Variants in RBFOX1 observed in about 807,000 individuals in gnomAD.
The protein encoded by RBFOX1 is RNA binding protein fox-1 homolog 1.
A neutral mutation model predicts 57.7 loss-of-function variants in RBFOX1; 8 were observed. The ratio of observed to expected loss-of-function variants is 0.14; its 90% CI spans 0.08 to 0.25. The LOEUF (loss-of-function observed/expected upper bound fraction) is 0.25, where lower values mean the gene tolerates loss of function less well. Ranked by LOEUF, RBFOX1 falls within the 10% of genes least tolerant of loss-of-function variation. RBFOX1 has a pLI of 1.00. For missense variants in RBFOX1, 611 were observed against 548.5 expected (o/e 1.11, Z -1.14); for synonymous variants, 326 against 222.4 (o/e 1.47, Z -4.15).
intron 2 of RBFOX1, among the ~76,000 whole-genome samples, chr16:6,594,288 A>G (rs989843410): frequency 6.6e-6 from 1 of 152,196 alleles, no homozygotes; most frequent in Non-Finnish European, 1.5e-5. Context: ...AACCATCTAG[A>G]CAGCCATACT....
intron 9 of RBFOX1, among the ~76,000 whole-genome samples, chr16:7,603,521 C>G (rs533845948): frequency 2.0e-5 from 3 of 152,038 alleles, no homozygotes; most frequent in Non-Finnish European, 4.4e-5. Flanking sequence ...AAGAGTAACT[C>G]TAAGAGGAGG....
Position 7,030,356 on chromosome 16 carries a change from C to T in RBFOX1, c.-15-21701C>T, listed in dbSNP as rs77767893. Reference sequence around the variant, plus strand: ...ATTTCCTAGCATTGCCATAAGTTAACGCCAACTGGATGGCTTTAAAACAAC... The same window carrying T: ...ATTTCCTAGCATTGCCATAAGTTAATGCCAACTGGATGGCTTTAAAACAAC... On this transcript the variant is annotated intron_variant, in intron 3 of 15. Coordinates refer to ENST00000550418, the MANE Select transcript of RBFOX1 (RefSeq NM_018723.4). Among the ~76,000 whole-genome samples the T allele has an allele frequency of 8.4e-3, 1,278 of 152,174 alleles. 16 individuals carry two copies. The highest frequency in any genetic ancestry group is 0.029 in the African/African-American group (1,193 of 41,506).
intron 3 of RBFOX1, among the ~76,000 whole-genome samples, chr16:6,720,246 G>GA (rs895390246): frequency 2.5e-4 from 37 of 148,578 alleles, no homozygotes; most frequent in Admixed American, 1.1e-3. Context: ...GAATGTTCAA[G>GA]AAAAAAAAAA....
chr16:6,225,218 G>T (rs1285193755), intron 1 of RBFOX1, among the ~76,000 whole-genome samples: 1 of 68,750 alleles, frequency 1.5e-5, no homozygotes, highest in Non-Finnish European at 2.9e-5. Flanking sequence ...ACTGCTAACT[G>T]AAGTAGGAGA....
At chr16:5,271,461 G>T (rs1362709555) in intron 1 of RBFOX1, among the ~76,000 whole-genome samples, 1 of 152,256 alleles carries the variant, frequency 6.6e-6, no homozygotes, top group East Asian at 1.9e-4. Context: ...CTGCTGTTCA[G>T]CCTGGTCTGG....
intron 3 of RBFOX1, among the ~76,000 whole-genome samples, chr16:6,664,734 CAGTT>C (rs2098721501): frequency 6.6e-6 from 1 of 152,180 alleles, no homozygotes; most frequent in African/African-American, 2.4e-5. Context: ...TGGAGATACT[CAGTT>C]GGTGGAGATG....
At chr16:5,728,614 T>C (rs1242913942) in intron 3 of RBFOX1, among the ~76,000 whole-genome samples, 3 of 152,126 alleles carry the variant, frequency 2.0e-5, no homozygotes, top group Non-Finnish European at 4.4e-5. Context: ...TGATTGTCAC[T>C]CCTCGCACAT....
At chr16:7,444,531 C>T (rs1013521284) in intron 4 of RBFOX1, among the ~76,000 whole-genome samples, 1 of 152,026 alleles carries the variant, frequency 6.6e-6, no homozygotes, top group African/African-American at 2.4e-5. Context: ...TTCTGATTGG[C>T]TTGGGTAGCC....
intron 4 of RBFOX1, chr16:7,304,157 G>C: frequency 1.0e-6 from 1 of 966,340 alleles, no homozygotes; most frequent in Non-Finnish European, 1.2e-6. Context: ...GGAGGGACCG[G>C]CGGGGTGCGG....
At position 6,276,099 on chromosome 16, in the gene RBFOX1, T is replaced by C. The variant is rs1312917168; in HGVS notation, c.-126-40896T>C. Among the ~76,000 whole-genome samples the C allele has an allele frequency of 1.2e-4, 18 of 152,214 alleles. 1 individual carries two copies. Among genetic ancestry groups the C allele is most frequent in the Admixed American group, 1.2e-3 (18 of 15,286 alleles). On this transcript the variant is annotated intron_variant, in intron 1 of 15. Transcript: ENST00000550418. Reference sequence around the variant, plus strand: ...GAAGGGATTTAACATTTTTTTAAAATTTAAAACATCATTTCTCATTAAATA... The same window carrying C: ...GAAGGGATTTAACATTTTTTTAAAACTTAAAACATCATTTCTCATTAAATA...
intron 4 of RBFOX1, among the ~76,000 whole-genome samples, chr16:7,070,709 T>G (rs1207320449): frequency 1.3e-5 from 2 of 152,210 alleles, no homozygotes; most frequent in Non-Finnish European, 2.9e-5. Flanking sequence ...AATACTTTTC[T>G]AAGTAGGCAA....
chr16:7,145,045 C>G (rs986261200), intron 4 of RBFOX1, among the ~76,000 whole-genome samples: 2 of 152,110 alleles, frequency 1.3e-5, no homozygotes, highest in Non-Finnish European at 2.9e-5. Flanking sequence ...AAATCCTAGC[C>G]GGATGTGACT....
intron 4 of RBFOX1, among the ~76,000 whole-genome samples, chr16:7,425,210 ATTG>A: frequency 6.6e-6 from 1 of 152,194 alleles, no homozygotes; most frequent in East Asian, 1.9e-4. Flanking sequence ...CTAGAAGTCC[ATTG>A]TTGTTTAATG....
chr16:7,453,699 G>T (rs1296341468), intron 4 of RBFOX1, among the ~76,000 whole-genome samples: 7 of 152,170 alleles, frequency 4.6e-5, no homozygotes, highest in Non-Finnish European at 1.0e-4. Flanking sequence ...GGGTGCCTGA[G>T]TGTAAGACAG....
At chr16:7,663,671 G>C (rs1749214623) in intron 12 of RBFOX1, among the ~76,000 whole-genome samples, 1 of 152,080 alleles carries the variant, frequency 6.6e-6, no homozygotes, top group South Asian at 2.1e-4. Context: ...GGGCTCATTG[G>C]TCCTTTGCCA....
At chr16:6,212,944 G>A (rs1233984677) in intron 1 of RBFOX1, among the ~76,000 whole-genome samples, 3 of 152,176 alleles carry the variant, frequency 2.0e-5, no homozygotes, top group South Asian at 2.1e-4. Flanking sequence ...TTTACATAAA[G>A]AGGCAGACCT....
chr16:5,764,844 A>G lies in RBFOX1; in HGVS notation c.319-102459A>G, dbSNP rs1194274919. 2.0e-5 allele frequency among the ~76,000 whole-genome samples: 3 copies of G among 152,176 alleles called. No individual in the cohort carries two copies. The East Asian group carries it at 5.8e-4, about 29-fold the overall frequency. On this transcript the variant is annotated intron_variant, in intron 3 of 19. Coordinates refer to the RBFOX1 transcript ENST00000641259. ...ATTAAACATTTATTATTTACCAGCCACAGAAGCAGGCACTCTGTATATGGC... is the reference window on the plus strand; with the variant it reads ...ATTAAACATTTATTATTTACCAGCCGCAGAAGCAGGCACTCTGTATATGGC...
intron 3 of RBFOX1, among the ~76,000 whole-genome samples, chr16:6,762,523 G>C (rs2076754412): frequency 6.6e-6 from 1 of 152,034 alleles, no homozygotes; most frequent in Admixed American, 6.6e-5. Context: ...CCCTTTACAA[G>C]GTATACGCCC....
chr16:7,256,858 C>T (rs1018588160), intron 4 of RBFOX1, among the ~76,000 whole-genome samples: 5 of 152,264 alleles, frequency 3.3e-5, no homozygotes, highest in East Asian at 1.9e-4. Context: ...CCTGTCACTT[C>T]CCTATCCCCA....
Sources: gnomAD v4.1 joint callset for allele counts (sites outside exome capture counted in the v4.1 genomes callset) on GRCh38, gnomAD v4.1.1 for gene constraint, MANE v1.5 for transcripts, NCBI Gene and HGNC (gene_info 2026-07-23, HGNC 2026-07-21) for gene names.